Variants in ADGRE3 observed in about 807,000 individuals in gnomAD.
ADGRE3 encodes the protein EGF-like module receptor 3.
ADGRE3 carries 88 observed loss-of-function variants against 80.1 expected under a neutral mutation model. The ratio of observed to expected loss-of-function variants is 1.10; its 90% CI spans 0.93 to 1.31. The LOEUF (loss-of-function observed/expected upper bound fraction) is 1.31. Among genes scored for constraint, ADGRE3 ranks in the 40% most tolerant of loss-of-function variants. The pLI, the probability that ADGRE3 is intolerant of heterozygous loss-of-function variation, is 0.00. For synonymous variants in ADGRE3, 281 were observed against 294.8 expected, an observed-to-expected ratio of 0.95 and a Z score of 0.48; for missense variants, 715 against 776.5, an observed-to-expected ratio of 0.92 and a Z score of 0.94.
intron 7 of ADGRE3, among the ~76,000 whole-genome samples, chr19:14,650,316 A>C: frequency 6.7e-5 from 8 of 119,168 alleles, no homozygotes; most frequent in East Asian, 2.4e-4. Context: ...CTCTTTTCTC[A>C]TCTTTCTCTT....
chr19:14,625,359 C>T (rs1322437176), intron 15 of ADGRE3, 133 bp downstream of exon 15: 2 of 650,614 alleles, frequency 3.1e-6, no homozygotes, highest in South Asian at 1.8e-5. Flanking sequence ...TGTAACAAAC[C>T]TGCACATGTA....
At chr19:14,647,414 T>C (rs535200537) in intron 7 of ADGRE3, 49 bp from the exon 8 acceptor site, 1,298 of 989,600 alleles carry the variant, frequency 1.3e-3, no homozygotes, top group African/African-American at 2.9e-3. Flanking sequence ...TTCTTTCTTT[T>C]TTTTTTTTTT....
At chr19:14,658,481 TG>T (rs1359147764) in intron 5 of ADGRE3, 31 bp downstream of exon 5, 2 of 1,503,028 alleles carry the variant, frequency 1.3e-6, no homozygotes, top group Admixed American at 2.0e-5. Flanking sequence ...GTTTGTTACC[TG>T]GGAAGGGTCT....
chr19:14,653,496 T>C (rs1465830958), intron 6 of ADGRE3, among the ~76,000 whole-genome samples: 1 of 152,000 alleles, frequency 6.6e-6, no homozygotes, highest in Non-Finnish European at 1.5e-5. Flanking sequence ...GTAGTTTTTC[T>C]TCTTTCTTAA....
chr19:14,634,040 G>T (rs1035752290), intron 11 of ADGRE3, among the ~76,000 whole-genome samples: 1 of 152,056 alleles, frequency 6.6e-6, no homozygotes, highest in Non-Finnish European at 1.5e-5. Flanking sequence ...GCCTCCCAAA[G>T]TGCTGGGATT....
chr19:14,619,479 A>G lies in ADGRE3; in HGVS notation c.1921-8T>C. On this transcript the variant is annotated splice_region_variant and splice_polypyrimidine_tract_variant and intron_variant, in intron 15 of 15. Transcript: ENST00000253673. ...TCCTGGAAAAACATCCCCCTATAAA[A>G]GAGGTTTAGATTAAAGGTGGATGTA... is the stretch of plus-strand genomic sequence containing the variant. 1 of 1,590,638 alleles carries G rather than the reference A, an allele frequency of 6.3e-7. No homozygotes were observed. Among genetic ancestry groups the G allele is most frequent in the Non-Finnish European group, 8.6e-7 (1 of 1,159,436 alleles).
intron 11 of ADGRE3, among the ~76,000 whole-genome samples, chr19:14,635,442 T>C (rs1971011337): frequency 6.8e-6 from 1 of 147,872 alleles, no homozygotes; most frequent in Non-Finnish European, 1.5e-5. Flanking sequence ...AGAGTTTCGC[T>C]CTTGTTGCCC....
rs138485630 is a variant in ADGRE3, at chr19:14,639,000, C to T, written c.1249-660G>A. The stretch of plus-strand genomic sequence containing the variant: ...CACTGCAGCCTTGAACTCTCAGGCT[C>T]AAGTGATCCTCCCACCTCAGCCTCC... On this transcript the variant is annotated intron_variant, in intron 10 of 15. Coordinates refer to ENST00000253673, the MANE Select transcript of ADGRE3 (RefSeq NM_032571.5). Among the ~76,000 whole-genome samples the T allele has an allele frequency of 4.0e-3, 604 of 152,140 alleles. 4 individuals are homozygous for T. Among genetic ancestry groups the T allele is most frequent in the African/African-American group, 0.014 (562 of 41,504 alleles).
At chr19:14,655,540 C>G (rs1453689097) in intron 5 of ADGRE3, among the ~76,000 whole-genome samples, 1 of 152,090 alleles carries the variant, frequency 6.6e-6, no homozygotes, top group African/African-American at 2.4e-5. Flanking sequence ...ACTGCAACCT[C>G]CAGCTCCTGG....
At chr19:14,650,346 TTTTCCATCTCTCTTCCCTTCTCTC>T (rs1971555919) in intron 7 of ADGRE3, among the ~76,000 whole-genome samples, 1 of 134,976 alleles carries the variant, frequency 7.4e-6, no homozygotes, top group Non-Finnish European at 1.6e-5. Flanking sequence ...TTCCCTATCT[TTTTCCATCTCTCTTCCCTTCTCTC>T]TTTCCATCTC....
the ADGRE3 span, among the ~76,000 whole-genome samples, chr19:14,608,160 C>T: frequency 7.8e-3 from 1,188 of 152,292 alleles, 16 homozygotes; most frequent in African/African-American, 0.028. Context: ...GCTTGAGCCA[C>T]CACACCTGGC....
intron 14 of ADGRE3, among the ~76,000 whole-genome samples, chr19:14,628,281 A>AG (rs2146808110): frequency 6.6e-6 from 1 of 151,390 alleles, no homozygotes; most frequent in African/African-American, 2.4e-5. Context: ...AAAATACAAA[A>AG]AAAAAAAAAA....
intron 11 of ADGRE3, among the ~76,000 whole-genome samples, chr19:14,637,219 C>CA (rs1336279823): frequency 2.6e-5 from 4 of 152,222 alleles, no homozygotes; most frequent in Middle Eastern, 3.4e-3. Flanking sequence ...GCTGAGTCAC[C>CA]AAAGAAGGCA....
chr19:14,660,790 G>A (rs1971926033), intron 4 of ADGRE3, among the ~76,000 whole-genome samples: 3 of 151,884 alleles, frequency 2.0e-5, no homozygotes, highest in Admixed American at 6.6e-5. Flanking sequence ...ACGGATCCAC[G>A]GGTGCACATG....
intron 2 of ADGRE3, chr19:14,668,540 T>G (rs1972165210): frequency 8.2e-6 from 4 of 489,146 alleles, no homozygotes; most frequent in Non-Finnish European, 1.4e-5. Flanking sequence ...TTTGTGTGTT[T>G]TATTTTCTGT....
Position 14,671,115 on chromosome 19 carries a change from G to A in ADGRE3, c.26-2263C>T, listed in dbSNP as rs113412428. On this transcript the variant is annotated intron_variant, in intron 1 of 15. Coordinates refer to ENST00000253673, the MANE Select transcript of ADGRE3 (RefSeq NM_032571.5). ...TGGGGGCTAACTGTGTGACTCTTCA[G>A]GAGAGGTAATGGCAGCAATCTAAAT... 9.7e-3 allele frequency among the ~76,000 whole-genome samples: 1,483 copies of A among 152,330 alleles called. 21 individuals carry two copies. Among genetic ancestry groups the A allele is most frequent in the African/African-American group, 0.035 (1,439 of 41,572 alleles).
chr19:14,631,172 G>A (rs114543702), intron 13 of ADGRE3, among the ~76,000 whole-genome samples: 4,247 of 152,020 alleles, frequency 0.028, 222 homozygotes, highest in African/African-American at 0.097. Flanking sequence ...CCACCCGGCC[G>A]GGGTCATATA....
downstream of ADGRE3, among the ~76,000 whole-genome samples, chr19:14,614,727 G>A (rs191125877): frequency 9.2e-5 from 14 of 151,740 alleles, no homozygotes; most frequent in Admixed American, 2.0e-4. Flanking sequence ...CAGGTACACC[G>A]TAATGCCCAG....
At chr19:14,658,356 AT>A in intron 5 of ADGRE3, 156 bp downstream of exon 5, 1 of 307,096 alleles carries the variant, frequency 3.3e-6, no homozygotes. Context: ...ATGTATTTAT[AT>A]ATAACATATT....
Sources: gnomAD v4.1 joint callset for allele counts (sites outside exome capture counted in the v4.1 genomes callset) on GRCh38, gnomAD v4.1.1 for gene constraint, MANE v1.5 for transcripts, NCBI Gene and HGNC (gene_info 2026-07-23, HGNC 2026-07-21) for gene names.